STX2: variants seen among roughly 807,000 people sequenced by gnomAD.
STX2 encodes the protein syntaxin-2.
A neutral mutation model predicts 40.6 loss-of-function variants in STX2; 27 were observed. The observed-to-expected ratio is 0.66, with a 90% CI of 0.49 to 0.92. The LOEUF is 0.92. Among genes scored for constraint, STX2 ranks in the 40% least tolerant of loss-of-function variants. STX2 has a pLI of 0.00. For synonymous variants in STX2, 123 were observed against 119.1 expected (o/e 1.03, Z -0.22); for missense variants, 328 against 366.1 (o/e 0.90, Z 0.85).
At chr12:130,831,959 C>G (rs1296671887) in intron 1 of STX2, among the ~76,000 whole-genome samples, 1 of 150,388 alleles carries the variant, frequency 6.6e-6, no homozygotes, top group Non-Finnish European at 1.5e-5. Context: ...CAGCTTCAAC[C>G]TCCTGGGCTC....
chr12:130,795,197 T>C (rs182674673), intron 10 of STX2, among the ~76,000 whole-genome samples: 369 of 152,342 alleles, frequency 2.4e-3, no homozygotes, highest in African/African-American at 8.6e-3. Context: ...TTAAATAAAA[T>C]AGATGCTGCC....
intron 3 of STX2, among the ~76,000 whole-genome samples, chr12:130,815,008 A>G (rs1593156887): frequency 6.6e-6 from 1 of 152,220 alleles, no homozygotes; most frequent in African/African-American, 2.4e-5. Context: ...CTGAGGCAGG[A>G]GGATCACTTA....
intron 6 of STX2, among the ~76,000 whole-genome samples, chr12:130,804,943 T>A (rs1951373473): frequency 6.6e-6 from 1 of 152,106 alleles, no homozygotes; most frequent in Non-Finnish European, 1.5e-5. Flanking sequence ...GGCGATCTGA[T>A]CACGCCACCG....
chr12:130,819,207 G>A (rs1248673933), intron 3 of STX2, among the ~76,000 whole-genome samples: 1 of 152,156 alleles, frequency 6.6e-6, no homozygotes, highest in African/African-American at 2.4e-5. Context: ...GGGGACCTCC[G>A]GGAGGGCAGC....
chr12:130,830,907 G>C (rs1283618938), intron 1 of STX2, among the ~76,000 whole-genome samples: 5 of 152,194 alleles, frequency 3.3e-5, no homozygotes, highest in Non-Finnish European at 7.3e-5. Flanking sequence ...TGACATACTT[G>C]ATTTCCCAAG....
chr12:130,812,972 G>A lies in STX2; in HGVS notation c.265C>T (p.Arg89Ter), dbSNP rs146831527. The A allele has an allele frequency of 1.9e-6, 3 of 1,549,360 alleles. No homozygotes were observed. The highest frequency in any genetic ancestry group is 1.4e-5 in the African/African-American group (1 of 71,412). The change falls in exon 4 of 11, where the codon CGA (arginine) becomes TGA (stop). Residue 89 changes from arginine to a stop codon, truncating the protein, a stop_gained. Coordinates refer to ENST00000392373, the MANE Select transcript of STX2 (RefSeq NM_194356.4). LOFTEE classifies it high-confidence loss of function. ...KEIKKTANKIRAKLKAIEQSF... is the reference protein window; with the variant it reads ...KEIKKTANKI ...TCAAACTTACCCTTTAACTTGGCTC[G>A]AATTTTATTCGCAGTTTTCTTGATT...
At chr12:130,835,346 G>A (rs201327067) in intron 1 of STX2, among the ~76,000 whole-genome samples, 3 of 151,978 alleles carry the variant, frequency 2.0e-5, no homozygotes, top group Admixed American at 6.6e-5. Flanking sequence ...GAAAAATAAC[G>A]TTCTCATTTC....
intron 10 of STX2, among the ~76,000 whole-genome samples, chr12:130,793,550 G>A (rs180743591): frequency 6.6e-5 from 10 of 152,320 alleles, no homozygotes; most frequent in Non-Finnish European, 8.8e-5. Flanking sequence ...TGGCTTTCAG[G>A]ATGACTGTCA....
Position 130,839,114 on chromosome 12 carries a change from C to T in STX2, c.-15G>A. 1.6e-6 allele frequency: 2 copies of T among 1,264,494 alleles called. No homozygotes were observed. Among genetic ancestry groups the T allele is most frequent in the Non-Finnish European group, 2.0e-6 (2 of 1,004,534 alleles). The allele number at this position is 1,264,494 out of a possible 1,614,324, so 78.3% of individuals were successfully genotyped here. A position where few individuals can be genotyped will look rare whatever the true frequency, so the allele number is the denominator to read the frequency against. ...CGGTCCCGCATCCCCGCCGGCCGGGCAGCGCGCCCCGCCGCTCAAGCCTGT... is the reference window on the plus strand; with the variant it reads ...CGGTCCCGCATCCCCGCCGGCCGGGTAGCGCGCCCCGCCGCTCAAGCCTGT... On this transcript the variant is annotated 5_prime_UTR_variant, in exon 1 of 11. Transcript: ENST00000392373.
intron 1 of STX2, among the ~76,000 whole-genome samples, chr12:130,833,298 G>A (rs931242360): frequency 1.8e-4 from 20 of 109,354 alleles, no homozygotes; most frequent in East Asian, 8.7e-4. Context: ...AGCACAAAAC[G>A]GCCACGACAC....
chr12:130,833,690 C>T (rs1045534508), intron 1 of STX2, among the ~76,000 whole-genome samples: 3 of 152,092 alleles, frequency 2.0e-5, no homozygotes, highest in Non-Finnish European at 4.4e-5. Flanking sequence ...GGATTACAGG[C>T]GTGAGCCACC....
At chr12:130,827,530 C>T (rs551801713) in intron 1 of STX2, among the ~76,000 whole-genome samples, 1 of 152,342 alleles carries the variant, frequency 6.6e-6, no homozygotes, top group East Asian at 1.9e-4. Flanking sequence ...TGCTTAGAAT[C>T]ATTTAGTTCT....
At chr12:130,817,803 A>G (rs1593162540) in intron 3 of STX2, among the ~76,000 whole-genome samples, 1 of 152,228 alleles carries the variant, frequency 6.6e-6, no homozygotes, top group Non-Finnish European at 1.5e-5. Flanking sequence ...CTAAACTAGA[A>G]TCTTCTACTC....
chr12:130,798,362 C>A, intron 9 of STX2, 163 bp downstream of exon 9: 1 of 470,866 alleles, frequency 2.1e-6, no homozygotes, highest in Non-Finnish European at 3.5e-6. Flanking sequence ...ATCTAATAAA[C>A]CTTTTAAATT....
At chr12:130,793,616 C>A (rs759105072) in intron 10 of STX2, among the ~76,000 whole-genome samples, 1 of 152,162 alleles carries the variant, frequency 6.6e-6, no homozygotes, top group East Asian at 1.9e-4. Flanking sequence ...CTGGTGACAG[C>A]GAGAGTGGAA....
chr12:130,812,411 T>A, intron 4 of STX2: 1 of 453,798 alleles, frequency 2.2e-6, no homozygotes, highest in Non-Finnish European at 4.4e-6. Flanking sequence ...CGGCTTGTGG[T>A]CGCCTCTCTC....
intron 1 of STX2, among the ~76,000 whole-genome samples, chr12:130,830,512 T>A (rs1322728740): frequency 6.6e-6 from 1 of 152,232 alleles, no homozygotes; most frequent in African/African-American, 2.4e-5. Context: ...AACAATTTGT[T>A]TCTCTCCCTG....
At chr12:130,816,742 CAGA>C (rs1267418253) in intron 3 of STX2, among the ~76,000 whole-genome samples, 2 of 152,058 alleles carry the variant, frequency 1.3e-5, no homozygotes, top group Non-Finnish European at 2.9e-5. Flanking sequence ...AAAGAAGACT[CAGA>C]AGAAGAAAAC....
Position 130,813,006 on chromosome 12 carries a change from C to A in STX2, c.231G>T (p.Leu77=). ...EGKIKEELED[L]NKEIKKTANK... ...TCGCAGTTTTCTTGATTTCTTTGTTCAGATCTTCAAGCTCTTCTTTTATTT... is the reference window on the plus strand; with the variant it reads ...TCGCAGTTTTCTTGATTTCTTTGTTAAGATCTTCAAGCTCTTCTTTTATTT... The change falls in exon 4 of 11, where the codon CTG becomes CTT. Residue 77 remains leucine (L), a synonymous_variant. Coordinates refer to ENST00000392373, the MANE Select transcript of STX2 (RefSeq NM_194356.4). 6.5e-7 allele frequency: 1 copy of A among 1,538,580 alleles called. No individual in the cohort carries two copies. The highest frequency in any genetic ancestry group is 8.7e-7 in the Non-Finnish European group (1 of 1,151,052).
Sources: allele counts gnomAD v4.1 joint callset (sites outside exome capture counted in the v4.1 genomes callset), GRCh38; gene constraint gnomAD v4.1.1; transcripts MANE v1.5; gene names NCBI Gene and HGNC (gene_info 2026-07-23, HGNC 2026-07-21).